Variants in UVRAG observed in about 807,000 individuals in gnomAD.
UVRAG encodes the protein UV radiation resistance associated.
Under a neutral mutation model 78.0 loss-of-function variants are expected in UVRAG, and 19 were observed. The observed-to-expected ratio is 0.24, with a 90% confidence interval of 0.17 to 0.36. The LOEUF is 0.36. Ranked by LOEUF, UVRAG falls within the 10% of genes least tolerant of loss-of-function variation. The probability of loss-of-function intolerance (pLI) is 1.00; values close to 1 mark genes in which losing one functional copy is unlikely to be tolerated. For missense variants in UVRAG, 740 were observed against 853.8 expected (o/e 0.87, Z 1.66); for synonymous variants, 323 against 324.6 (o/e 1.00, Z 0.05).
chr11:75,944,309 A>T (rs554720221), intron 6 of UVRAG, among the ~76,000 whole-genome samples: 4 of 152,226 alleles, frequency 2.6e-5, no homozygotes, highest in African/African-American at 7.2e-5. Flanking sequence ...CCATTTTGCA[A>T]GGGTACTTAG....
At chr11:75,979,177 G>T (rs56154425) in intron 7 of UVRAG, among the ~76,000 whole-genome samples, 2 of 152,166 alleles carry the variant, frequency 1.3e-5, no homozygotes, top group Non-Finnish European at 2.9e-5. Flanking sequence ...ACCAGTGGAG[G>T]CTGCAGAACT....
At chr11:75,850,362 C>A (rs539323207) in intron 1 of UVRAG, among the ~76,000 whole-genome samples, 5 of 152,086 alleles carry the variant, frequency 3.3e-5, no homozygotes, top group Admixed American at 3.3e-4. Flanking sequence ...CCTTAAAGAG[C>A]GGGATGGCAT....
intron 6 of UVRAG, among the ~76,000 whole-genome samples, chr11:75,922,938 GAAAA>G (rs540693706): frequency 3.0e-5 from 2 of 66,948 alleles, no homozygotes; most frequent in African/African-American, 1.2e-4. Flanking sequence ...CATCTGAAAG[GAAAA>G]AAAAAAAAAG....
intron 13 of UVRAG, among the ~76,000 whole-genome samples, chr11:76,073,344 T>G (rs1035851058): frequency 6.6e-6 from 1 of 152,140 alleles, no homozygotes; most frequent in African/African-American, 2.4e-5. Flanking sequence ...ACTGACAAAT[T>G]ATGGTTATTT....
At chr11:76,135,335 A>G (rs1406508999) in intron 14 of UVRAG, among the ~76,000 whole-genome samples, 2 of 152,182 alleles carry the variant, frequency 1.3e-5, no homozygotes, top group East Asian at 3.9e-4. Context: ...GATTGCAATA[A>G]ATAAGGACTC....
chr11:75,993,673 G>T (rs1293320368), intron 8 of UVRAG, among the ~76,000 whole-genome samples: 1 of 152,178 alleles, frequency 6.6e-6, no homozygotes, highest in Non-Finnish European at 1.5e-5. Flanking sequence ...TTTTATGGAA[G>T]TGTGTTCAGT....
At chr11:75,979,333 T>C (rs1218386470) in intron 7 of UVRAG, among the ~76,000 whole-genome samples, 3 of 152,246 alleles carry the variant, frequency 2.0e-5, no homozygotes, top group Admixed American at 6.5e-5. Context: ...AGGGACCCAC[T>C]TGAGGAGGCA....
chr11:76,061,817 G>A (rs998237946), intron 12 of UVRAG, among the ~76,000 whole-genome samples: 2 of 152,082 alleles, frequency 1.3e-5, no homozygotes, highest in Non-Finnish European at 2.9e-5. Flanking sequence ...CACCAATTCC[G>A]GACTCAAAAT....
intron 1 of UVRAG, among the ~76,000 whole-genome samples, chr11:75,817,963 G>C (rs1945296099): frequency 6.6e-6 from 1 of 151,900 alleles, no homozygotes; most frequent in Non-Finnish European, 1.5e-5. Context: ...GGGAGGCTGA[G>C]GCAAGAGAAT....
chr11:76,142,278 A>T lies in UVRAG; in HGVS notation c.*865A>T, dbSNP rs934492823. 1.3e-5 allele frequency: 2 copies of T among 152,210 alleles called. No homozygotes were observed. Among genetic ancestry groups the T allele is most frequent in the Non-Finnish European group, 2.9e-5 (2 of 68,020 alleles). The allele number at this position is 152,210 out of a possible 1,614,324, so 9.4% of individuals were successfully genotyped here. A position where few individuals can be genotyped will look rare whatever the true frequency, so the allele number is the denominator to read the frequency against. ...TCAGGAACTAGGCATGCTTTCTGGC[A>T]ATGCACTCACCAGACAAAAATCCCT... On this transcript the variant is annotated 3_prime_UTR_variant, in exon 15 of 15. Transcript: ENST00000356136.
intron 5 of UVRAG, among the ~76,000 whole-genome samples, chr11:75,901,647 G>A (rs59790182): frequency 0.033 from 4,948 of 152,228 alleles, 266 homozygotes; most frequent in African/African-American, 0.11. Flanking sequence ...ACTACTGATG[G>A]TGGCTGCTAC....
At chr11:76,036,004 A>C (rs1950526977) in intron 12 of UVRAG, among the ~76,000 whole-genome samples, 1 of 152,226 alleles carries the variant, frequency 6.6e-6, no homozygotes. Flanking sequence ...AGGTTGGTTC[A>C]TAGGTGGTTT....
chr11:75,969,902 A>T (rs1949092410), intron 7 of UVRAG, among the ~76,000 whole-genome samples: 1 of 152,194 alleles, frequency 6.6e-6, no homozygotes, highest in Non-Finnish European at 1.5e-5. Flanking sequence ...TTTTCCTTTT[A>T]AAGTTTTCTA....
chr11:76,112,405 G>GTT (rs1952091179), intron 13 of UVRAG, among the ~76,000 whole-genome samples: 1 of 152,136 alleles, frequency 6.6e-6, no homozygotes, highest in South Asian at 2.1e-4. Flanking sequence ...TGTCATGAAA[G>GTT]TTACCTCCCA....
intron 3 of UVRAG, among the ~76,000 whole-genome samples, chr11:75,878,106 G>C (rs1946846656): frequency 6.6e-6 from 1 of 151,082 alleles, no homozygotes; most frequent in African/African-American, 2.4e-5. Flanking sequence ...TTCTCAGATG[G>C]GGCGGTTGCC....
At position 76,141,596 on chromosome 11, in the gene UVRAG, G is replaced by T; in HGVS notation, c.*183G>T. On this transcript the variant is annotated 3_prime_UTR_variant, in exon 15 of 15. Transcript: ENST00000356136. ...CATTGTTATCAGTGGGCCAAAGTTA[G>T]ATTTTGCTTTCAAGATTTGCTTTTC... The T allele has an allele frequency of 1.5e-6, 1 of 686,452 alleles. No individual in the cohort carries two copies. The highest frequency in any genetic ancestry group is 2.3e-6 in the Non-Finnish European group (1 of 428,886). The allele number at this position is 686,452 out of a possible 1,614,324, so 42.5% of individuals were successfully genotyped here.
At chr11:76,022,312 T>C (rs1433347568) in intron 12 of UVRAG, among the ~76,000 whole-genome samples, 1 of 152,214 alleles carries the variant, frequency 6.6e-6, no homozygotes, top group Non-Finnish European at 1.5e-5. Flanking sequence ...AGTTGGTTTA[T>C]GATGTTCTCA....
At chr11:75,821,422 G>A (rs1034663788) in intron 1 of UVRAG, among the ~76,000 whole-genome samples, 1 of 152,062 alleles carries the variant, frequency 6.6e-6, no homozygotes, top group Non-Finnish European at 1.5e-5. Context: ...GCTCACTGCA[G>A]CCTTGACTTC....
At chr11:76,114,269 G>A (rs546727335) in intron 13 of UVRAG, among the ~76,000 whole-genome samples, 1 of 152,242 alleles carries the variant, frequency 6.6e-6, no homozygotes, top group East Asian at 1.9e-4. Flanking sequence ...ATTTAATATG[G>A]GGTAGATCTT....
Sources: allele counts gnomAD v4.1 joint callset (sites outside exome capture counted in the v4.1 genomes callset), GRCh38; gene constraint gnomAD v4.1.1; transcripts MANE v1.5; gene names NCBI Gene and HGNC (gene_info 2026-07-23, HGNC 2026-07-21).